The following RWDD4 variants were observed in gnomAD, a reference collection of about 807,000 sequenced individuals.
The protein encoded by RWDD4 is RWD domain-containing protein 4.
A neutral mutation model predicts 30.0 loss-of-function variants in RWDD4; 16 were observed. The ratio of observed to expected loss-of-function variants is 0.53; its 90% CI spans 0.36 to 0.81. The LOEUF (loss-of-function observed/expected upper bound fraction) is 0.81. Ranked by LOEUF, RWDD4 falls within the 30% of genes least tolerant of loss-of-function variation. The pLI is 0.00. For missense variants in RWDD4, 170 were observed against 223.9 expected (o/e 0.76, Z 1.54); for synonymous variants, 45 against 72.1 (o/e 0.62, Z 1.90).
At chr4:183,649,404 G>C in intron 5 of RWDD4, 47 bp downstream of exon 5, 1 of 1,257,230 alleles carries the variant, frequency 8.0e-7, no homozygotes, top group African/African-American at 1.5e-5. Flanking sequence ...ACAAGAGTGA[G>C]ACTCTGTCAA....
intron 2 of RWDD4, among the ~76,000 whole-genome samples, chr4:183,655,099 C>T (rs938027095): frequency 2.6e-5 from 4 of 151,776 alleles, no homozygotes; most frequent in Non-Finnish European, 5.9e-5. Flanking sequence ...CACCATCATG[C>T]GTGGCTAATT....
rs776885909 is a variant in RWDD4, at chr4:183,646,489, T to G, written c.530A>C (p.Lys177Thr). The G allele has an allele frequency of 2.7e-5, 43 of 1,611,958 alleles. No individual in the cohort carries two copies. The highest frequency in any genetic ancestry group is 3.6e-5 in the Non-Finnish European group (43 of 1,179,480). Reference protein sequence around the residue: ...PRGWNWVDVVKHLSKTGSKDD... With the variant: ...PRGWNWVDVVTHLSKTGSKDD... ...GACTAGAATATAAATGTTATATACCTTCACAACATCAACCCAGTTCCAGCC... is the reference window on the plus strand; with the variant it reads ...GACTAGAATATAAATGTTATATACCGTCACAACATCAACCCAGTTCCAGCC... Residue 177 changes from lysine to threonine, a missense_variant and splice_region_variant, in exon 6 of 8, where the codon AAG (lysine) becomes ACG (threonine). Physicochemically the swap from Lys to Thr is moderately conservative, Grantham distance 78. Coordinates refer to ENST00000326397, the MANE Select transcript of RWDD4 (RefSeq NM_152682.4).
intron 2 of RWDD4, among the ~76,000 whole-genome samples, chr4:183,651,584 C>G (rs979420828): frequency 1.3e-5 from 2 of 152,178 alleles, no homozygotes; most frequent in Non-Finnish European, 2.9e-5. Flanking sequence ...AGCCTACCAG[C>G]TTTTCTAGTA....
At chr4:183,655,576 G>A (rs780115757) in intron 2 of RWDD4, among the ~76,000 whole-genome samples, 4 of 152,096 alleles carry the variant, frequency 2.6e-5, no homozygotes, top group South Asian at 2.1e-4. Context: ...GAGCCACCGC[G>A]CCCAGCCCTA....
chr4:183,644,224 T>C (rs1301559601), intron 7 of RWDD4, among the ~76,000 whole-genome samples: 1 of 152,194 alleles, frequency 6.6e-6, no homozygotes, highest in African/African-American at 2.4e-5. Context: ...TATATGTTGG[T>C]ATATGTAGGA....
At chr4:183,656,557 T>C (rs1231741468) in intron 1 of RWDD4, among the ~76,000 whole-genome samples, 1 of 152,182 alleles carries the variant, frequency 6.6e-6, no homozygotes, top group African/African-American at 2.4e-5. Flanking sequence ...TCTTAGAACA[T>C]TTTGGTATTA....
chr4:183,642,903 C>CA (rs1458416278), intron 7 of RWDD4, among the ~76,000 whole-genome samples: 3 of 148,934 alleles, frequency 2.0e-5, no homozygotes, highest in African/African-American at 7.4e-5. Flanking sequence ...CTAAAAAATA[C>CA]AAAAAATTAC....
rs532760815 is a variant in RWDD4, at chr4:183,658,988, G to C, written c.-36C>G. ...GCGGGGCGCCTCCTGAGCGGACGGC[G>C]TTCGCAACAACGAAGAGAAAGCGAA... On this transcript the variant is annotated 5_prime_UTR_variant, in exon 1 of 8. Coordinates refer to ENST00000326397, the MANE Select transcript of RWDD4 (RefSeq NM_152682.4). 759 of 1,263,392 alleles carry C rather than the reference G, an allele frequency of 6.0e-4. 3 individuals are homozygous for C. In the African/African-American group the frequency reaches 0.011, roughly 18 times the overall value. The allele number at this position is 1,263,392 out of a possible 1,614,324, so 78.3% of individuals were successfully genotyped here.
intron 2 of RWDD4, among the ~76,000 whole-genome samples, chr4:183,654,127 C>CG (rs981189870): frequency 1.3e-5 from 2 of 151,858 alleles, no homozygotes; most frequent in Non-Finnish European, 1.5e-5. Context: ...AAAAAATACA[C>CG]GGGGGGAAAT....
intron 2 of RWDD4, among the ~76,000 whole-genome samples, chr4:183,651,600 C>T (rs543589636): frequency 6.6e-6 from 1 of 152,228 alleles, no homozygotes; most frequent in East Asian, 1.9e-4. Flanking sequence ...TAGTACCACG[C>T]CTACATCTTA....
In RWDD4 at chr4:183,639,721, G is replaced by A. The variant is rs1260419962; in HGVS notation, c.*1715C>T. 6.6e-6 allele frequency: 1 copy of A among 152,508 alleles called. No homozygotes were observed. Among genetic ancestry groups the A allele is most frequent in the Non-Finnish European group, 1.5e-5 (1 of 68,028 alleles). 9.4% of individuals were successfully genotyped at this position (152,508 alleles called of 1,614,324 possible). ...AAACAGACATTGAGAAAATATACTG[G>A]GAGTGTTAAACAGATGACGGCAATA... On this transcript the variant is annotated 3_prime_UTR_variant, in exon 8 of 8. Coordinates refer to ENST00000326397, the MANE Select transcript of RWDD4 (RefSeq NM_152682.4).
intron 7 of RWDD4, 25 bp from the exon 8 acceptor site, chr4:183,641,493 TCAA>T: frequency 1.3e-6 from 2 of 1,574,698 alleles, no homozygotes; most frequent in African/African-American, 1.4e-5. Context: ...GAGAAAATAG[TCAA>T]CAAGTGGTAT....
chr4:183,651,521 A>G (rs528982946), intron 2 of RWDD4, among the ~76,000 whole-genome samples, 194 bp from the exon 3 acceptor site: 2 of 152,234 alleles, frequency 1.3e-5, no homozygotes, highest in Non-Finnish European at 2.9e-5. Context: ...ACTTTAATTT[A>G]GTCCTAGTAT....
chr4:183,641,490 T>G (rs754676782), intron 7 of RWDD4, 22 bp from the exon 8 acceptor site: 21 of 1,585,580 alleles, frequency 1.3e-5, no homozygotes, highest in Non-Finnish European at 1.7e-5. Context: ...AGAGAGAAAA[T>G]AGTCAACAAG....
intron 7 of RWDD4, among the ~76,000 whole-genome samples, chr4:183,644,672 G>C (rs2111231106): frequency 6.6e-6 from 1 of 152,196 alleles, no homozygotes; most frequent in Middle Eastern, 3.4e-3. Flanking sequence ...CTAGCTACTT[G>C]GGAGGCTGTG....
chr4:183,651,164 G>C (rs748906272), intron 3 of RWDD4, 33 bp from the exon 4 acceptor site: 4 of 1,611,678 alleles, frequency 2.5e-6, no homozygotes, highest in African/African-American at 2.7e-5. Context: ...CTTGCTGAGA[G>C]AAAAGTATAA....
intron 7 of RWDD4, among the ~76,000 whole-genome samples, chr4:183,644,363 T>G (rs1237917546): frequency 6.6e-6 from 1 of 152,258 alleles, no homozygotes; most frequent in Non-Finnish European, 1.5e-5. Flanking sequence ...AATTGTAAGT[T>G]AGGGCCCAAC....
intron 1 of RWDD4, 155 bp from the exon 2 acceptor site, chr4:183,656,116 A>G: frequency 1.8e-6 from 1 of 568,976 alleles, no homozygotes; most frequent in South Asian, 2.3e-5. Flanking sequence ...GCAGCAACAC[A>G]TGACAATATT....
rs746634491 is a variant in RWDD4, at chr4:183,655,519, C to T, written c.105+362G>A. 3.2e-4 allele frequency among the ~76,000 whole-genome samples: 48 copies of T among 151,776 alleles called. 1 individual carries two copies. The highest frequency in any genetic ancestry group is 1.8e-4 in the Non-Finnish European group (12 of 67,962). Reference sequence around the variant, plus strand: ...CAGGATGGTCTCGATCTCCTGACCTCGTGATCCGCCCACCTTGGCCTCCCA... The same window carrying T: ...CAGGATGGTCTCGATCTCCTGACCTTGTGATCCGCCCACCTTGGCCTCCCA... On this transcript the variant is annotated intron_variant, in intron 2 of 7. Transcript: ENST00000326397.
Sources: allele counts gnomAD v4.1 joint callset (sites outside exome capture counted in the v4.1 genomes callset), GRCh38; gene constraint gnomAD v4.1.1; transcripts MANE v1.5; gene names NCBI Gene and HGNC (gene_info 2026-07-23, HGNC 2026-07-21).